Variants in NHSL1 observed in about 807,000 individuals in gnomAD.
NHSL1 encodes the protein NHS like 1.
NHSL1 carries 48 observed loss-of-function variants against 95.0 expected under a neutral mutation model. The observed-to-expected ratio is 0.51, with a 90% CI of 0.40 to 0.64. The LOEUF is 0.64. NHSL1 is among the 30% of genes least tolerant of loss of function. The probability of loss-of-function intolerance (pLI) is 0.00; values close to 1 mark genes in which losing one functional copy is unlikely to be tolerated. For missense variants in NHSL1, 1,971 were observed against 2,077.7 expected, an observed-to-expected ratio of 0.95 and a Z score of 1.00; for synonymous variants, 783 against 833.9, an observed-to-expected ratio of 0.94 and a Z score of 1.05.
chr6:138,584,852 T>C (rs1172489620), intron 1 of NHSL1, among the ~76,000 whole-genome samples: 2 of 152,252 alleles, frequency 1.3e-5, no homozygotes, highest in South Asian at 2.1e-4. Context: ...GTTCCAGAGA[T>C]TCTCCTTCCT....
At chr6:138,515,626 A>G (rs1781426264) in intron 1 of NHSL1, among the ~76,000 whole-genome samples, 2 of 152,258 alleles carry the variant, frequency 1.3e-5, no homozygotes, top group Non-Finnish European at 2.9e-5. Context: ...ATGATGCAAT[A>G]AAGAAATAAA....
At chr6:138,483,361 A>G (rs1779538735) in intron 2 of NHSL1, among the ~76,000 whole-genome samples, 1 of 152,248 alleles carries the variant, frequency 6.6e-6, no homozygotes, top group Non-Finnish European at 1.5e-5. Context: ...CATAGGATAA[A>G]GAATTTAGCT....
At chr6:138,550,422 T>G (rs966179389), upstream of NHSL1, among the ~76,000 whole-genome samples, 1 of 152,072 alleles carries the variant, frequency 6.6e-6, no homozygotes, top group Non-Finnish European at 1.5e-5. Flanking sequence ...CTAGGAAGCT[T>G]TGTGAAAGGG....
intron 1 of NHSL1, among the ~76,000 whole-genome samples, chr6:138,582,189 G>A (rs1265668757): frequency 1.3e-5 from 2 of 152,082 alleles, no homozygotes; most frequent in African/African-American, 2.4e-5. Flanking sequence ...GAGCCACTGT[G>A]CCTGGCCCAA....
chr6:138,621,484 T>TCC (rs397713762), intron 1 of NHSL1, among the ~76,000 whole-genome samples: 3 of 148,610 alleles, frequency 2.0e-5, no homozygotes, highest in African/African-American at 7.5e-5. Context: ...TTTTTTTTTT[T>TCC]CCCCCCAAGA....
chr6:138,589,238 T>C (rs920668309), intron 1 of NHSL1, among the ~76,000 whole-genome samples: 1 of 152,120 alleles, frequency 6.6e-6, no homozygotes, highest in South Asian at 2.1e-4. Context: ...TGGGACAGTA[T>C]GGGTGAGGCG....
At position 138,458,010 on chromosome 6, in the gene NHSL1, A is replaced by G. The variant is rs1482994932; in HGVS notation, c.340-10817T>C. Among the ~76,000 whole-genome samples the G allele has an allele frequency of 2.8e-5, 3 of 108,296 alleles. No homozygotes were observed. In the East Asian group the frequency reaches 5.8e-4, roughly 21 times the overall value. The allele number at this position is 108,296 out of a possible 152,430, so 71.0% of individuals were successfully genotyped here. A position where few individuals can be genotyped will look rare whatever the true frequency, so the allele number is the denominator to read the frequency against. Reference sequence around the variant, plus strand: ...GTAACAGAGTGAAACTCCAACTGAAAAAAAAAAAAAAAAAAATCCCAACTG... The same window carrying G: ...GTAACAGAGTGAAACTCCAACTGAAGAAAAAAAAAAAAAAAATCCCAACTG... On this transcript the variant is annotated intron_variant, in intron 3 of 7. Transcript: ENST00000343505.
chr6:138,635,926 C>T (rs990902635), intron 1 of NHSL1, among the ~76,000 whole-genome samples: 3 of 127,132 alleles, frequency 2.4e-5, no homozygotes, highest in Non-Finnish European at 3.2e-5. Flanking sequence ...CTAGCCTGGT[C>T]AAATAGTGAA....
chr6:138,584,122 T>G (rs532446239), intron 1 of NHSL1, among the ~76,000 whole-genome samples: 7 of 152,062 alleles, frequency 4.6e-5, no homozygotes, highest in Admixed American at 2.0e-4. Flanking sequence ...TTATCTCAAG[T>G]AAATAAATAA....
intron 1 of NHSL1, among the ~76,000 whole-genome samples, chr6:138,611,590 C>G (rs9495155): frequency 0.041 from 6,217 of 151,674 alleles, 410 homozygotes; most frequent in African/African-American, 0.14. Flanking sequence ...ATTAAAAATA[C>G]AAAAAATTAG....
intron 3 of NHSL1, among the ~76,000 whole-genome samples, chr6:138,460,643 T>C (rs1462250015): frequency 2.0e-5 from 3 of 151,976 alleles, no homozygotes; most frequent in Non-Finnish European, 2.9e-5. Flanking sequence ...TGAGCATCCA[T>C]AGATTTGGGT....
intron 1 of NHSL1, among the ~76,000 whole-genome samples, chr6:138,648,183 A>T (rs867413519): frequency 3.9e-5 from 6 of 152,300 alleles, no homozygotes; most frequent in Middle Eastern, 3.4e-3. Flanking sequence ...GTTGCTAAGC[A>T]GTTATTAAAA....
chr6:138,625,977 C>T (rs528101495), intron 1 of NHSL1, among the ~76,000 whole-genome samples: 1 of 152,322 alleles, frequency 6.6e-6, no homozygotes, highest in Admixed American at 6.5e-5. Context: ...GTTTCCTTAT[C>T]TTAGCTTTTC....
chr6:138,681,983 C>T (rs200783946), intron 1 of NHSL1, among the ~76,000 whole-genome samples: 2 of 145,298 alleles, frequency 1.4e-5, no homozygotes, highest in Non-Finnish European at 3.0e-5. Flanking sequence ...TACCGCTTTT[C>T]TTTTTTTTTT....
chr6:138,435,712 G>GTTT (rs57274796), intron 5 of NHSL1, among the ~76,000 whole-genome samples: 1,455 of 141,338 alleles, frequency 0.01, 24 homozygotes, highest in African/African-American at 0.035. Context: ...GATAACTGGG[G>GTTT]TTTTTTTTTT....
At chr6:138,676,782 G>A (rs1183352265) in intron 1 of NHSL1, among the ~76,000 whole-genome samples, 1 of 152,104 alleles carries the variant, frequency 6.6e-6, no homozygotes, top group Non-Finnish European at 1.5e-5. Context: ...AGCCTCCTGA[G>A]TAGCTGGGAC....
At chr6:138,666,776 C>T (rs1024347556) in intron 1 of NHSL1, among the ~76,000 whole-genome samples, 82 of 151,928 alleles carry the variant, frequency 5.4e-4, no homozygotes, top group African/African-American at 1.9e-3. Context: ...AACAATAACA[C>T]AGAATGTGAG....
At chr6:138,468,850 G>T (rs549344518) in intron 3 of NHSL1, among the ~76,000 whole-genome samples, 1 of 152,312 alleles carries the variant, frequency 6.6e-6, no homozygotes, top group African/African-American at 2.4e-5. Flanking sequence ...ATGCATGACT[G>T]TATTTGCTCT....
intron 1 of NHSL1, among the ~76,000 whole-genome samples, chr6:138,653,113 AT>A (rs1233934414): frequency 1.3e-5 from 2 of 152,216 alleles, no homozygotes; most frequent in African/African-American, 2.4e-5. Flanking sequence ...GCAAGGAAAA[AT>A]TAAATTGCTC....
Sources: gnomAD v4.1 joint callset for allele counts (sites outside exome capture counted in the v4.1 genomes callset) on GRCh38, gnomAD v4.1.1 for gene constraint, MANE v1.5 for transcripts, NCBI Gene and HGNC (gene_info 2026-07-23, HGNC 2026-07-21) for gene names.